ZNF728: variants seen among roughly 807,000 people sequenced by gnomAD.
ZNF728 encodes the protein zinc finger protein 728.
Under a neutral mutation model 12.5 loss-of-function variants are expected in ZNF728, and 12 were observed. The ratio of observed to expected loss-of-function variants is 0.96; its 90% confidence interval spans 0.61 to 1.55. ZNF728 has a LOEUF of 1.55. Among genes scored for constraint, ZNF728 ranks in the 40% most tolerant of loss-of-function variants. ZNF728 has a pLI of 0.00. For synonymous variants in ZNF728, 205 were observed against 240.7 expected, an observed-to-expected ratio of 0.85 and a Z score of 1.37; for missense variants, 692 against 719.2, an observed-to-expected ratio of 0.96 and a Z score of 0.43.
In ZNF728 at chr19:22,975,902, G is replaced by A. The variant is rs1968790683; in HGVS notation, c.1435C>T (p.Leu479Phe). The A allele has an allele frequency of 1.2e-6, 2 of 1,606,152 alleles. No homozygotes were observed. The highest frequency in any genetic ancestry group is 1.7e-5 in the Admixed American group (1 of 59,856). Reference sequence around the variant, plus strand: ...TTGCCACATTCTTCACATTTGTAGAGTTTCTCTCCAGCATGAATTGCCTTA... The same window carrying A: ...TTGCCACATTCTTCACATTTGTAGAATTTCTCTCCAGCATGAATTGCCTTA... The part of the protein sequence containing the change: ...THKAIHAGEK[L>F]YKCEECGKAF... The change falls in exon 4 of 4, where the codon CTC becomes TTC. Residue 479 changes from leucine to phenylalanine, a missense_variant. Physicochemically the swap from Leu to Phe is conservative, Grantham distance 22. Transcript: ENST00000594710.
intron 3 of ZNF728, chr19:22,985,725 G>C (rs1380491822): frequency 6.6e-6 from 1 of 152,274 alleles, no homozygotes; most frequent in Non-Finnish European, 1.5e-5. Context: ...GGCCTGGAGA[G>C]TGATACCCAT....
rs780244585 is a variant in ZNF728 at position 22,975,877 on chromosome 19, T to C, written c.1460A>G (p.Lys487Arg). 18 of 1,612,092 alleles carry C rather than the reference T, an allele frequency of 1.1e-5. No individual in the cohort carries two copies. Among genetic ancestry groups the C allele is most frequent in the African/African-American group, 8.0e-5 (6 of 74,888 alleles). Residue 487 changes from lysine (K) to arginine (R), a missense_variant, in exon 4 of 4, where the codon AAA (lysine) becomes AGA (arginine). By Grantham distance (26) the Lys-to-Arg change is conservative. Around this residue, in one of 3 missense-constraint regions of ZNF728, gnomAD observed 244 missense variants for 235.2 expected, o/e 1.04. Coordinates refer to ENST00000594710, the MANE Select transcript of ZNF728 (RefSeq NM_001267716.2). Reference sequence around the variant, plus strand: ...AAGGTTTGAGGACCACTTAAAGGCTTTGCCACATTCTTCACATTTGTAGAG... The same window carrying C: ...AAGGTTTGAGGACCACTTAAAGGCTCTGCCACATTCTTCACATTTGTAGAG... ...EKLYKCEECG[K>R]AFKWSSNLME... is the part of the protein sequence containing the mutation.
intron 3 of ZNF728, among the ~76,000 whole-genome samples, chr19:22,978,560 T>C (rs1222637222): frequency 1.3e-5 from 2 of 152,168 alleles, no homozygotes; most frequent in African/African-American, 2.4e-5. Flanking sequence ...TGTCTCCTAA[T>C]TGGGAGGCAC....
rs754599783 is a variant in ZNF728, at chr19:22,975,777, A to G, written c.1560T>C (p.Val520=). 1.0e-5 allele frequency: 16 copies of G among 1,600,670 alleles called. No homozygotes were observed. The highest frequency in any genetic ancestry group is 3.4e-5 in the Admixed American group (2 of 58,902). ...CEECGKAFSK[V]ANLTKHKVIH... ...TTACCTTATGTTTAGTAAGGTTTGCAACCTTACTGAAGGCTTTGCCACATT... is the reference window on the plus strand; with the variant it reads ...TTACCTTATGTTTAGTAAGGTTTGCGACCTTACTGAAGGCTTTGCCACATT... The change falls in exon 4 of 4, where the codon GTT becomes GTC. Residue 520 remains valine, a synonymous_variant. Coordinates refer to ENST00000594710, the MANE Select transcript of ZNF728 (RefSeq NM_001267716.2).
intron 1 of ZNF728, among the ~76,000 whole-genome samples, chr19:22,991,741 G>C (rs945349396): frequency 1.3e-5 from 2 of 152,138 alleles, no homozygotes; most frequent in African/African-American, 4.8e-5. Context: ...GCAAGACTCC[G>C]GGGTAGAGCC....
chr19:23,000,793 G>A (rs1235623048), intron 1 of ZNF728, among the ~76,000 whole-genome samples: 5 of 147,066 alleles, frequency 3.4e-5, no homozygotes, highest in South Asian at 4.4e-4. Context: ...ACTTGAACTC[G>A]TGATGCAGAG....
At chr19:22,984,004 TA>T (rs1298225848) in intron 3 of ZNF728, among the ~76,000 whole-genome samples, 1 of 151,536 alleles carries the variant, frequency 6.6e-6, no homozygotes, top group East Asian at 1.9e-4. Context: ...TAAAGTATAA[TA>T]AAAAAAATCA....
chr19:22,981,042 G>C (rs1328917133), intron 3 of ZNF728, among the ~76,000 whole-genome samples: 1 of 150,730 alleles, frequency 6.6e-6, no homozygotes, highest in Non-Finnish European at 1.5e-5. Context: ...AACAGAAGGA[G>C]AGACAGACAC....
chr19:22,989,079 A>ATT (rs772594374), intron 1 of ZNF728, among the ~76,000 whole-genome samples: 4 of 149,902 alleles, frequency 2.7e-5, no homozygotes, highest in Non-Finnish European at 5.9e-5. Context: ...AAAAAAAAGA[A>ATT]TTAATTGTTT....
chr19:22,975,096 A>G lies in ZNF728; in HGVS notation c.*372T>C, dbSNP rs932495345. Among the ~76,000 whole-genome samples, 5 of 152,130 alleles carry G rather than the reference A, an allele frequency of 3.3e-5. No individual in the cohort carries two copies. The highest frequency in any genetic ancestry group is 6.5e-5 in the Admixed American group (1 of 15,272). On this transcript the variant is annotated 3_prime_UTR_variant, in exon 4 of 4. Coordinates refer to ENST00000594710, the MANE Select transcript of ZNF728 (RefSeq NM_001267716.2). ...CCAGTATGATTTCTTTTATATTCAGAAAAGTTTCAGGTGTTGCCAAAAGCC... is the reference window on the plus strand; with the variant it reads ...CCAGTATGATTTCTTTTATATTCAGGAAAGTTTCAGGTGTTGCCAAAAGCC...
chr19:23,003,139 G>A lies in ZNF728; in HGVS notation c.-109C>T. On this transcript the variant is annotated 5_prime_UTR_variant, in exon 1 of 4. Coordinates refer to ENST00000594710, the MANE Select transcript of ZNF728 (RefSeq NM_001267716.2). ...AGGAGCGGACGACACACAGCAGTAA[G>A]GACGACACCTTGACCTCCGCGTGCA... 2.3e-6 allele frequency: 3 copies of A among 1,319,460 alleles called. No individual in the cohort carries two copies. Among genetic ancestry groups the A allele is most frequent in the East Asian group, 2.6e-5 (1 of 37,850 alleles). 81.7% of individuals were successfully genotyped at this position (1,319,460 alleles called of 1,614,324 possible). A position where few individuals can be genotyped will look rare whatever the true frequency, so the allele number is the denominator to read the frequency against.
At position 22,976,683 on chromosome 19, in the gene ZNF728, ATAAG is replaced by A; in HGVS notation, c.650_653del (p.Thr217IlefsTer31). 1 of 1,613,166 alleles carries A rather than the reference ATAAG, an allele frequency of 6.2e-7. No individual in the cohort carries two copies. The highest frequency in any genetic ancestry group is 8.5e-7 in the Non-Finnish European group (1 of 1,179,814). ...GTTTCTCTCCAGTATGAATTCTCTT[ATAAG>A]TAAGGGCTGAGGACCAGTTAAAGGC... is the stretch of plus-strand genomic sequence containing the variant. On this transcript the variant is annotated frameshift_variant, in exon 4 of 4. Coordinates refer to ENST00000594710, the MANE Select transcript of ZNF728 (RefSeq NM_001267716.2). LOFTEE classifies it low-confidence loss of function (END_TRUNC).
chr19:22,993,860 T>C (rs996900052), intron 1 of ZNF728, among the ~76,000 whole-genome samples: 3 of 152,218 alleles, frequency 2.0e-5, no homozygotes, highest in African/African-American at 7.2e-5. Flanking sequence ...TCTCTGAGTC[T>C]GATAACTAAA....
At chr19:22,988,150 A>C (rs1257454689) in intron 2 of ZNF728, among the ~76,000 whole-genome samples, 175 bp downstream of exon 2, 1 of 151,974 alleles carries the variant, frequency 6.6e-6, no homozygotes, top group Non-Finnish European at 1.5e-5. Flanking sequence ...AGGGCTATAG[A>C]AGCTCAGGGC....
At chr19:22,997,065 C>T (rs1055864200) in intron 1 of ZNF728, among the ~76,000 whole-genome samples, 26 of 152,134 alleles carry the variant, frequency 1.7e-4, no homozygotes, top group African/African-American at 5.6e-4. Context: ...TAATCAGAGA[C>T]TACATCTGAC....
In ZNF728 at chr19:22,977,116, A is replaced by C; in HGVS notation, c.227-6T>G. On this transcript the variant is annotated splice_region_variant and splice_polypyrimidine_tract_variant and intron_variant, in intron 3 of 3. Coordinates refer to ENST00000594710, the MANE Select transcript of ZNF728 (RefSeq NM_001267716.2). ...AGCAAAATGAGAACATATAACTGAA[A>C]AGAAATAAAAATAACAAATTAGTCC... 6.5e-7 allele frequency: 1 copy of C among 1,533,848 alleles called. No individual in the cohort carries two copies. The highest frequency in any genetic ancestry group is 8.7e-7 in the Non-Finnish European group (1 of 1,146,262).
chr19:22,986,381 A>C (rs2145341038), intron 3 of ZNF728, among the ~76,000 whole-genome samples: 1 of 152,198 alleles, frequency 6.6e-6, no homozygotes, highest in African/African-American at 2.4e-5. Context: ...AACCATAAAC[A>C]GTACATTAAA....
At chr19:23,000,091 A>G (rs1314331283) in intron 1 of ZNF728, among the ~76,000 whole-genome samples, 1 of 152,176 alleles carries the variant, frequency 6.6e-6, no homozygotes, top group Non-Finnish European at 1.5e-5. Context: ...CCTGAAGGCC[A>G]GGCATGGTGG....
At chr19:22,990,902 G>C (rs1968980203) in intron 1 of ZNF728, among the ~76,000 whole-genome samples, 1 of 152,084 alleles carries the variant, frequency 6.6e-6, no homozygotes, top group Middle Eastern at 3.2e-3. Context: ...TAAATCACTT[G>C]GTAATTTTCT....
Sources: allele counts gnomAD v4.1 joint callset (sites outside exome capture counted in the v4.1 genomes callset), GRCh38; gene constraint gnomAD v4.1.1; regional missense constraint gnomAD v4.1.1; transcripts MANE v1.5; gene names NCBI Gene and HGNC (gene_info 2026-07-23, HGNC 2026-07-21).